The following EFNB2 variants were observed in gnomAD, a reference collection of about 807,000 sequenced individuals.
EFNB2 encodes ephrin-B2.
Under a neutral mutation model 32.1 loss-of-function variants are expected in EFNB2, and 5 were observed. The observed-to-expected ratio is 0.16, with a 90% CI of 0.08 to 0.33. The LOEUF is 0.33. EFNB2 is among the 10% of genes least tolerant of loss of function. The probability of loss-of-function intolerance (pLI) is 1.00; values close to 1 mark genes in which losing one functional copy is unlikely to be tolerated. For missense variants in EFNB2, 263 were observed against 422.6 expected (o/e 0.62, Z 3.31); for synonymous variants, 168 against 166.5 (o/e 1.01, Z -0.07).
intron 2 of EFNB2, among the ~76,000 whole-genome samples, chr13:106,500,951 C>G (rs1420595724): frequency 1.3e-5 from 2 of 152,104 alleles, no homozygotes; most frequent in Admixed American, 6.5e-5. Context: ...TTTCTTCTAC[C>G]ACAGGGCTAT....
intron 2 of EFNB2, among the ~76,000 whole-genome samples, chr13:106,496,910 G>C (rs1878609270): frequency 6.6e-6 from 1 of 152,070 alleles, no homozygotes; most frequent in Admixed American, 6.6e-5. Flanking sequence ...AAGTTCAAGG[G>C]GCAAGGAACA....
chr13:106,511,032 CTT>C (rs1367476855), intron 2 of EFNB2, among the ~76,000 whole-genome samples: 2 of 152,012 alleles, frequency 1.3e-5, no homozygotes, highest in African/African-American at 4.8e-5. Context: ...AAAATAAAGT[CTT>C]TACTAATATA....
At chr13:106,527,841 G>A (rs773345918) in intron 1 of EFNB2, among the ~76,000 whole-genome samples, 1 of 152,214 alleles carries the variant, frequency 6.6e-6, no homozygotes, top group Non-Finnish European at 1.5e-5. Context: ...AAACGGCAGG[G>A]CTTTCTTGAA....
intron 2 of EFNB2, chr13:106,506,219 C>T (rs1291626111): frequency 1.3e-5 from 2 of 152,178 alleles, no homozygotes; most frequent in Non-Finnish European, 2.9e-5. Flanking sequence ...CCCAGCTAGC[C>T]TCAGTGATAA....
At chr13:106,504,412 A>C (rs1267009859) in intron 2 of EFNB2, among the ~76,000 whole-genome samples, 2 of 152,116 alleles carry the variant, frequency 1.3e-5, no homozygotes, top group South Asian at 4.1e-4. Flanking sequence ...TCATGGACAC[A>C]CACAGCTTAG....
chr13:106,521,798 T>A (rs187189221), intron 1 of EFNB2, among the ~76,000 whole-genome samples: 76 of 152,132 alleles, frequency 5.0e-4, no homozygotes, highest in African/African-American at 1.6e-3. Context: ...CAGAAGTATT[T>A]ATTTAATTTT....
Position 106,528,151 on chromosome 13 carries a change from T to A in EFNB2, c.122+6692A>T, listed in dbSNP as rs147667452. 5.1e-3 allele frequency among the ~76,000 whole-genome samples: 782 copies of A among 152,272 alleles called. 6 individuals carry two copies. Among genetic ancestry groups the A allele is most frequent in the South Asian group, 0.015 (72 of 4,830 alleles). ...GATGAAGCTAGACAAATGAAATGGA[T>A]CTGTTAATACAGACTGCTGCATTAA... On this transcript the variant is annotated intron_variant, in intron 1 of 4. Transcript: ENST00000646441.
intron 2 of EFNB2, among the ~76,000 whole-genome samples, chr13:106,502,254 AAGT>A (rs1328292127): frequency 6.6e-6 from 1 of 152,226 alleles, no homozygotes; most frequent in Non-Finnish European, 1.5e-5. Flanking sequence ...AATTTGGAAA[AAGT>A]AGATTCTAAA....
intron 1 of EFNB2, among the ~76,000 whole-genome samples, chr13:106,529,777 A>G (rs1465783574): frequency 6.6e-6 from 1 of 152,224 alleles, no homozygotes; most frequent in Non-Finnish European, 1.5e-5. Flanking sequence ...TTGCCATACA[A>G]TCAGATTACT....
intron 1 of EFNB2, among the ~76,000 whole-genome samples, chr13:106,534,485 C>A (rs1216068189): frequency 6.6e-6 from 1 of 152,254 alleles, no homozygotes; most frequent in East Asian, 1.9e-4. Context: ...CCACCAGTCC[C>A]CGCGTGCCGG....
intron 3 of EFNB2, 90 bp from the exon 4 acceptor site, chr13:106,495,084 A>G: frequency 1.0e-6 from 1 of 970,612 alleles, no homozygotes; most frequent in Non-Finnish European, 1.6e-6. Flanking sequence ...AGGCATGAAT[A>G]GCAATGAACA....
At chr13:106,533,886 T>C (rs762281009) in intron 1 of EFNB2, among the ~76,000 whole-genome samples, 3 of 152,218 alleles carry the variant, frequency 2.0e-5, no homozygotes. Context: ...CTACGAGTTA[T>C]GACCACACAG....
rs372295978 is a variant in EFNB2, at chr13:106,493,395, G to C, written c.647C>G (p.Ser216Trp). Reference sequence around the variant, plus strand: ...TTCGGAACCGAGGATGTTGTTCCCCGAATGTCCGGCGCTGTTGCCGTCTGT... The same window carrying C: ...TTCGGAACCGAGGATGTTGTTCCCCCAATGTCCGGCGCTGTTGCCGTCTGT... ...SSTDGNSAGH[S>W]GNNILGSEVA... Residue 216 changes from serine to tryptophan, a missense_variant, in exon 5 of 5, where the codon TCG becomes TGG. Around this residue, in one of 3 missense-constraint regions of EFNB2, gnomAD observed 172 missense variants for 237.1 expected, o/e 0.73. Coordinates refer to ENST00000646441, the MANE Select transcript of EFNB2 (RefSeq NM_004093.4). The surrounding 1 kb of genome is among the most constrained non-coding windows in gnomAD (Gnocchi z 6.1). The C allele has an allele frequency of 2.5e-6, 4 of 1,613,760 alleles. No homozygotes were observed. The highest frequency in any genetic ancestry group is 2.2e-5 in the East Asian group (1 of 44,862).
At chr13:106,512,845 GATAAAA>G in intron 1 of EFNB2, 33 bp from the exon 2 acceptor site, 1 of 1,522,158 alleles carries the variant, frequency 6.6e-7, no homozygotes, top group Non-Finnish European at 8.8e-7. Context: ...CCATTGAGTT[GATAAAA>G]ATTAACAGTA....
intron 1 of EFNB2, among the ~76,000 whole-genome samples, chr13:106,528,163 G>A (rs1200572198): frequency 3.3e-5 from 5 of 152,190 alleles, no homozygotes; most frequent in African/African-American, 4.8e-5. Flanking sequence ...TGTTAATACA[G>A]ACTGCTGCAT....
At chr13:106,531,766 G>A (rs200222522) in intron 1 of EFNB2, among the ~76,000 whole-genome samples, 4 of 151,776 alleles carry the variant, frequency 2.6e-5, no homozygotes, top group South Asian at 2.1e-4. Context: ...ATTATATAGG[G>A]AAAAAATTAC....
At chr13:106,509,765 A>C (rs1459379929) in intron 2 of EFNB2, 2 of 152,008 alleles carry the variant, frequency 1.3e-5, no homozygotes, top group African/African-American at 4.8e-5. Context: ...AGTCAATATT[A>C]ATTTCTAAAA....
intron 1 of EFNB2, among the ~76,000 whole-genome samples, chr13:106,525,266 A>G (rs1484512555): frequency 6.6e-6 from 1 of 152,208 alleles, no homozygotes; most frequent in African/African-American, 2.4e-5. Flanking sequence ...AAATGGCTAA[A>G]CTGGGATTGG....
rs751552616 is a variant in EFNB2 at position 106,493,076 on chromosome 13, G to A, written c.966C>T (p.Pro322=). ...AGTAAATGTTCGCCGGGCTCTGCGG[G>A]GGCATCTCCTGGACGATGTACACCG... The part of the protein sequence containing the change: ...GHPVYIVQEM[P]PQSPANIYYK... The change falls in exon 5 of 5, where the codon CCC becomes CCT. Residue 322 remains proline, a synonymous_variant. Transcript: ENST00000646441. The surrounding 1 kb of genome is among the most constrained non-coding windows in gnomAD (Gnocchi z 6.1). The A allele has an allele frequency of 1.9e-6, 3 of 1,613,428 alleles. No homozygotes were observed. Among genetic ancestry groups the A allele is most frequent in the South Asian group, 2.2e-5 (2 of 91,080 alleles).
Sources: gnomAD v4.1 joint callset for allele counts (sites outside exome capture counted in the v4.1 genomes callset) on GRCh38, gnomAD v4.1.1 for gene constraint, gnomAD v4.1.1 regional missense constraint, Gnocchi (gnomAD v3.1) non-coding constraint, MANE v1.5 for transcripts, NCBI Gene and HGNC (gene_info 2026-07-23, HGNC 2026-07-21) for gene names.